The following PRLR variants were observed in gnomAD, a reference collection of about 807,000 sequenced individuals.
The protein encoded by PRLR is hPRL receptor.
A neutral mutation model predicts 40.2 loss-of-function variants in PRLR; 13 were observed. The ratio of observed to expected loss-of-function variants is 0.32; its 90% CI spans 0.21 to 0.51. PRLR has a LOEUF of 0.51. Among genes scored for constraint, PRLR ranks in the 20% least tolerant of loss-of-function variants. The pLI is 0.97. For synonymous variants in PRLR, 269 were observed against 278.7 expected, an observed-to-expected ratio of 0.97 and a Z score of 0.35; for missense variants, 656 against 747.3, an observed-to-expected ratio of 0.88 and a Z score of 1.42.
intron 1 of PRLR, among the ~76,000 whole-genome samples, chr5:35,203,555 C>T (rs1775935414): frequency 6.6e-6 from 1 of 152,164 alleles, no homozygotes; most frequent in Non-Finnish European, 1.5e-5. Context: ...CAATGTCATT[C>T]TTCCTATCTG....
intron 1 of PRLR, among the ~76,000 whole-genome samples, chr5:35,144,621 T>A (rs1481356493): frequency 8.2e-6 from 1 of 121,488 alleles, no homozygotes; most frequent in Admixed American, 8.6e-5. Context: ...GCCTGGCTAA[T>A]TTTTTTTTTT....
chr5:35,210,275 T>C (rs1223093091), intron 1 of PRLR, among the ~76,000 whole-genome samples: 1 of 152,256 alleles, frequency 6.6e-6, no homozygotes, highest in African/African-American at 2.4e-5. Flanking sequence ...CCTCAATATA[T>C]TAGAAGCTCT....
chr5:35,167,107 T>C (rs1363063300), intron 1 of PRLR, among the ~76,000 whole-genome samples: 3 of 151,978 alleles, frequency 2.0e-5, no homozygotes, highest in Non-Finnish European at 4.4e-5. Context: ...CTAATGCTGC[T>C]GCTAAAAATA....
chr5:35,192,602 C>CT (rs1213323177), intron 1 of PRLR, among the ~76,000 whole-genome samples: 2 of 152,226 alleles, frequency 1.3e-5, no homozygotes, highest in Non-Finnish European at 2.9e-5. Flanking sequence ...TTTCTCTTCT[C>CT]TTTCTCTCCA....
chr5:35,068,891 C>G lies in PRLR; in HGVS notation c.686-13G>C, dbSNP rs753694703. 1 of 1,584,932 alleles carries G rather than the reference C, an allele frequency of 6.3e-7. No homozygotes were observed. Among genetic ancestry groups the G allele is most frequent in the South Asian group, 1.1e-5 (1 of 90,316 alleles). On this transcript the variant is annotated splice_polypyrimidine_tract_variant and intron_variant, in intron 7 of 9. Transcript: ENST00000618457. ...TTCATGGTGAAGTCTAAAAAACAAA[C>G]AGCCAGAAAGCTTTGATCACGTACA...
intron 2 of PRLR, among the ~76,000 whole-genome samples, chr5:35,099,518 T>C (rs920241466): frequency 2.0e-5 from 3 of 152,210 alleles, no homozygotes. Flanking sequence ...TATTGTTATT[T>C]TACAGTGTAC....
intron 3 of PRLR, among the ~76,000 whole-genome samples, chr5:35,087,681 G>A (rs2112468018): frequency 6.6e-6 from 1 of 152,192 alleles, no homozygotes; most frequent in East Asian, 1.9e-4. Context: ...GTCTCAGTGA[G>A]GTGGTGTGAA....
intron 1 of PRLR, among the ~76,000 whole-genome samples, chr5:35,143,408 GA>G (rs1335098540): frequency 6.6e-6 from 1 of 152,158 alleles, no homozygotes; most frequent in East Asian, 1.9e-4. Context: ...CTATCTTCTG[GA>G]AACGATAGGT....
chr5:35,068,457 A>G (rs1228645595), intron 8 of PRLR, among the ~76,000 whole-genome samples, 172 bp from the exon 9 acceptor site: 1 of 152,184 alleles, frequency 6.6e-6, no homozygotes, highest in Non-Finnish European at 1.5e-5. Flanking sequence ...ATTAAAATTA[A>G]CTTTAGCTAA....
chr5:35,074,522 T>A (rs1250189107), intron 5 of PRLR, among the ~76,000 whole-genome samples: 3 of 149,098 alleles, frequency 2.0e-5, no homozygotes, highest in Admixed American at 2.0e-4. Flanking sequence ...TATATATATA[T>A]ATATGAAATA....
chr5:35,208,941 G>A (rs1226534121), intron 1 of PRLR, among the ~76,000 whole-genome samples: 4 of 152,090 alleles, frequency 2.6e-5, no homozygotes, highest in African/African-American at 9.6e-5. Context: ...TAACAAATTA[G>A]CAAAATCAGT....
chr5:35,197,145 AATTCTATTTTATTTTT>A (rs1775759340), intron 1 of PRLR, among the ~76,000 whole-genome samples: 1 of 152,000 alleles, frequency 6.6e-6, no homozygotes, highest in South Asian at 2.1e-4. Context: ...ATTTTATTTT[AATTCTATTTTATTTTT>A]AAATCCAAAG....
At chr5:35,066,970 A>C (rs1449992619) in intron 9 of PRLR, among the ~76,000 whole-genome samples, 1 of 151,932 alleles carries the variant, frequency 6.6e-6, no homozygotes, top group Non-Finnish European at 1.5e-5. Context: ...TCACCATGTT[A>C]GCCAGGATGG....
chr5:35,199,726 TAGAGG>T (rs1416922896), intron 1 of PRLR, among the ~76,000 whole-genome samples: 16 of 152,214 alleles, frequency 1.1e-4, no homozygotes, highest in Admixed American at 3.3e-4. Flanking sequence ...TGTAAATCTG[TAGAGG>T]AGAGGGAAAA....
chr5:35,155,448 C>A (rs1003365200), intron 1 of PRLR, among the ~76,000 whole-genome samples: 1 of 151,970 alleles, frequency 6.6e-6, no homozygotes, highest in Non-Finnish European at 1.5e-5. Context: ...TCTTTGATCA[C>A]ATAAGCCACA....
chr5:35,078,139 G>A (rs60130755), intron 5 of PRLR, among the ~76,000 whole-genome samples: 15,703 of 152,006 alleles, frequency 0.1, 1,329 homozygotes, highest in African/African-American at 0.23. Context: ...ATCACAATTA[G>A]AAGAACTAGA....
rs142502829 is a variant in PRLR at position 35,207,614 on chromosome 5, TTGTG to T, written c.-106+22650_-106+22653del. 4.1e-3 allele frequency among the ~76,000 whole-genome samples: 608 copies of T among 146,942 alleles called. 4 individuals carry two copies. The highest frequency in any genetic ancestry group is 0.015 in the East Asian group (75 of 5,034). On this transcript the variant is annotated intron_variant, in intron 1 of 9. Coordinates refer to ENST00000618457, the MANE Select transcript of PRLR (RefSeq NM_000949.7). ...TCCCAATCAAATTACCAATGGGAGA[TTGTG>T]TGTGTGTGTGTGTGTGTGTGTGTGT...
chr5:35,078,384 C>A (rs1285747276), intron 5 of PRLR, among the ~76,000 whole-genome samples: 5 of 152,054 alleles, frequency 3.3e-5, no homozygotes, highest in African/African-American at 4.8e-5. Flanking sequence ...CACCACCAAT[C>A]CCACAGAAAT....
In PRLR at chr5:35,191,291, C is replaced by T. The variant is rs1198810267; in HGVS notation, c.-106+38977G>A. Among the ~76,000 whole-genome samples, 18 of 89,674 alleles carry T rather than the reference C, an allele frequency of 2.0e-4. 2 individuals carry two copies. In the South Asian group the frequency reaches 4.5e-3, roughly 22 times the overall value. The allele number at this position is 89,674 out of a possible 152,430, so 58.8% of individuals were successfully genotyped here. A position where few individuals can be genotyped will look rare whatever the true frequency, so the allele number is the denominator to read the frequency against. On this transcript the variant is annotated intron_variant, in intron 1 of 9. Coordinates refer to ENST00000618457, the MANE Select transcript of PRLR (RefSeq NM_000949.7). Reference sequence around the variant, plus strand: ...TTCACCGTTTTAGCCGGGATGGTCTCGATCTCCTGACCTCGTGATCCGCCC... The same window carrying T: ...TTCACCGTTTTAGCCGGGATGGTCTTGATCTCCTGACCTCGTGATCCGCCC...
Sources: gnomAD v4.1 joint callset for allele counts (sites outside exome capture counted in the v4.1 genomes callset) on GRCh38, gnomAD v4.1.1 for gene constraint, MANE v1.5 for transcripts, NCBI Gene and HGNC (gene_info 2026-07-23, HGNC 2026-07-21) for gene names.